The following KAT6B variants were observed in gnomAD, a reference collection of about 807,000 sequenced individuals.
The protein encoded by KAT6B is histone acetyltransferase KAT6B.
KAT6B carries 10 observed loss-of-function variants against 187.5 expected under a neutral mutation model. That is an observed-to-expected ratio of 0.05 (90% CI 0.03 to 0.09). KAT6B has a LOEUF of 0.09. Among genes scored for constraint, KAT6B ranks in the 10% least tolerant of loss-of-function variants. The pLI, the probability that KAT6B is intolerant of heterozygous loss-of-function variation, is 1.00. For missense variants in KAT6B, 1,952 were observed against 2,558.9 expected (o/e 0.76, Z 5.12); for synonymous variants, 861 against 926.8 (o/e 0.93, Z 1.29).
chr10:75,020,709 G>C lies in KAT6B; in HGVS notation c.2757G>C (p.Glu919Asp). The C allele has an allele frequency of 1.2e-6, 2 of 1,613,594 alleles. No individual in the cohort carries two copies. The highest frequency in any genetic ancestry group is 1.7e-6 in the Non-Finnish European group (2 of 1,179,872). ...TGGAGTATCTCTACCACCACCATGA[G>C]AGGCACATCAGCATCAAGGCAATTA... ...VILEYLYHHH[E>D]RHISIKAISR... is the part of the protein sequence containing the mutation. The change falls in exon 14 of 18, where the codon GAG becomes GAC. Residue 919 changes from glutamate (E) to aspartate (D), a missense_variant. By Grantham distance (45) the Glu-to-Asp change is conservative. This residue lies in a region of KAT6B where 758 missense variants were observed against 891.4 expected (regional missense o/e 0.85). Coordinates refer to ENST00000287239, the MANE Select transcript of KAT6B (RefSeq NM_012330.4).
At chr10:75,020,502 T>G (rs959497832) in intron 13 of KAT6B, 80 bp from the exon 14 acceptor site, 11 of 946,010 alleles carry the variant, frequency 1.2e-5, no homozygotes, top group Non-Finnish European at 1.7e-5. Context: ...TTGTCACTAC[T>G]CATATTATTT....
chr10:75,021,504 C>T (rs1348287947), intron 15 of KAT6B, among the ~76,000 whole-genome samples: 2 of 152,124 alleles, frequency 1.3e-5, no homozygotes, highest in African/African-American at 4.8e-5. Context: ...GATTACAAAG[C>T]AGCATTTTTC....
chr10:74,956,393 C>T (rs1047663317), intron 3 of KAT6B, among the ~76,000 whole-genome samples: 4 of 152,046 alleles, frequency 2.6e-5, no homozygotes, highest in Non-Finnish European at 4.4e-5. Flanking sequence ...TACCTTTTCC[C>T]CATGGTAATT....
intron 10 of KAT6B, among the ~76,000 whole-genome samples, chr10:74,980,847 T>G (rs1842465380): frequency 6.6e-6 from 1 of 152,180 alleles, no homozygotes; most frequent in Admixed American, 6.5e-5. Flanking sequence ...GAAAACAAAT[T>G]AGGTCTTTTG....
At chr10:74,894,484 A>C (rs1845853095) in intron 3 of KAT6B, among the ~76,000 whole-genome samples, 1 of 152,234 alleles carries the variant, frequency 6.6e-6, no homozygotes, top group African/African-American at 2.4e-5. Flanking sequence ...TGGTAGTGTT[A>C]ACTGTATGCA....
At chr10:74,960,132 C>G in intron 4 of KAT6B, 54 bp downstream of exon 4, 4 of 1,077,844 alleles carry the variant, frequency 3.7e-6, no homozygotes, top group Non-Finnish European at 5.8e-6. Context: ...ATCATAGCTT[C>G]ATGCTATTTG....
chr10:74,935,891 A>T (rs1206975511), intron 3 of KAT6B, among the ~76,000 whole-genome samples: 2 of 152,140 alleles, frequency 1.3e-5, no homozygotes, highest in Non-Finnish European at 2.9e-5. Context: ...ATAGAAAATA[A>T]TTTTTTTTAA....
chr10:74,849,690 C>A (rs1046207480), intron 3 of KAT6B, among the ~76,000 whole-genome samples: 1 of 152,128 alleles, frequency 6.6e-6, no homozygotes, highest in East Asian at 1.9e-4. Flanking sequence ...TAATAACTAA[C>A]GTTTTGTAAG....
intron 3 of KAT6B, among the ~76,000 whole-genome samples, chr10:74,941,433 G>A (rs569749228): frequency 1.3e-5 from 2 of 152,272 alleles, no homozygotes; most frequent in South Asian, 4.1e-4. Flanking sequence ...TTAGAAATCT[G>A]TAGCTAGACT....
intron 13 of KAT6B, among the ~76,000 whole-genome samples, chr10:75,013,590 T>G (rs1159299337): frequency 6.6e-6 from 1 of 152,224 alleles, no homozygotes; most frequent in East Asian, 1.9e-4. Context: ...TTCTTTCCCC[T>G]ACCTTAAGGA....
At chr10:74,849,107 G>A (rs1842304906) in intron 3 of KAT6B, among the ~76,000 whole-genome samples, 2 of 151,870 alleles carry the variant, frequency 1.3e-5, no homozygotes, top group African/African-American at 2.4e-5. Flanking sequence ...TCAGCCTCCC[G>A]AGTAGCTGGG....
rs879482770 is a variant in KAT6B at position 74,968,384 on chromosome 10, G to GT, written c.731-1264dup. Among the ~76,000 whole-genome samples the GT allele has an allele frequency of 6.5e-3, 953 of 146,226 alleles. 7 individuals are homozygous for GT. The highest frequency in any genetic ancestry group is 8.7e-3 in the Non-Finnish European group (578 of 66,066). On this transcript the variant is annotated intron_variant, in intron 4 of 17. Transcript: ENST00000287239. Reference sequence around the variant, plus strand: ...AACATCTTAAATACAGATGTTTAGAGTTTTTTTTTTTTAACTCAGGAATAG... The same window carrying GT: ...AACATCTTAAATACAGATGTTTAGAGTTTTTTTTTTTTTAACTCAGGAATAG...
At position 75,025,461 on chromosome 10, in the gene KAT6B, A is replaced by C. The variant is rs536622835; in HGVS notation, c.3664+212A>C. The C allele has an allele frequency of 1.5e-5, 8 of 544,178 alleles. No individual in the cohort carries two copies. The East Asian group carries it at 2.6e-4, about 18-fold the overall frequency. 33.7% of individuals were successfully genotyped at this position (544,178 alleles called of 1,614,324 possible). On this transcript the variant is annotated intron_variant, in intron 17 of 17. Transcript: ENST00000287239. The stretch of plus-strand genomic sequence containing the variant: ...TATGTTAAACAACTTCTAAGGCCAG[A>C]ACATTCCTCTAGGTGGGTTCATCTT...
At chr10:74,970,162 G>T (rs565389486) in intron 6 of KAT6B, 61 bp downstream of exon 6, 2 of 1,271,698 alleles carry the variant, frequency 1.6e-6, no homozygotes, top group South Asian at 2.4e-5. Context: ...TTTGTCCTGA[G>T]GTCTGACAGC....
chr10:74,864,438 A>G (rs1843412769), intron 3 of KAT6B, among the ~76,000 whole-genome samples: 1 of 151,732 alleles, frequency 6.6e-6, no homozygotes, highest in African/African-American at 2.4e-5. Context: ...ACGGGGTTTC[A>G]CCATGTTGGC....
intron 2 of KAT6B, among the ~76,000 whole-genome samples, chr10:74,839,231 A>T (rs1407195523): frequency 3.8e-4 from 52 of 138,266 alleles, no homozygotes; most frequent in South Asian, 9.1e-4. Flanking sequence ...TATGAAACAC[A>T]TTTTTTTTTT....
chr10:74,924,281 C>A (rs80088843), intron 3 of KAT6B, among the ~76,000 whole-genome samples: 2 of 152,160 alleles, frequency 1.3e-5, no homozygotes, highest in East Asian at 3.8e-4. Context: ...CTGTAGATAT[C>A]CTGGAATACT....
At chr10:74,877,756 G>A (rs1844529689) in intron 3 of KAT6B, among the ~76,000 whole-genome samples, 1 of 152,116 alleles carries the variant, frequency 6.6e-6, no homozygotes, top group African/African-American at 2.4e-5. Context: ...AAATAAAGAA[G>A]CATAGAAGTT....
chr10:74,863,209 T>G (rs146931434), intron 3 of KAT6B, among the ~76,000 whole-genome samples: 10 of 152,324 alleles, frequency 6.6e-5, no homozygotes, highest in African/African-American at 2.4e-4. Context: ...TTTTCCTACA[T>G]GTAAATATGT....
Sources: allele counts gnomAD v4.1 joint callset (sites outside exome capture counted in the v4.1 genomes callset), GRCh38; gene constraint gnomAD v4.1.1; regional missense constraint gnomAD v4.1.1; transcripts MANE v1.5; gene names NCBI Gene and HGNC (gene_info 2026-07-23, HGNC 2026-07-21).